SAXO4: variants seen among roughly 807,000 people sequenced by gnomAD.
SAXO4 encodes the protein stabilizer of axonemal microtubules 4.
At chr11:61,486,351 T>G in the SAXO4 span, 5 of 1,613,846 alleles carry the variant, frequency 3.1e-6, no homozygotes, top group Non-Finnish European at 4.2e-6. Flanking sequence ...CAGGCCCTCC[T>G]CCCAGGCCAG....
At chr11:61,486,473 G>A in the SAXO4 span, 1 of 1,613,016 alleles carries the variant, frequency 6.2e-7, no homozygotes, top group Non-Finnish European at 8.5e-7. Context: ...CTGGAAGGTG[G>A]TGGGGGAGGC....
chr11:61,481,781 G>C, the SAXO4 span: 4 of 1,352,762 alleles, frequency 3.0e-6, no homozygotes, highest in Non-Finnish European at 4.0e-6. Flanking sequence ...TTCCTTTCTA[G>C]GCCCCCTGGG....
the SAXO4 span, chr11:61,484,822 T>C: frequency 6.4e-7 from 1 of 1,573,618 alleles, no homozygotes; most frequent in South Asian, 1.2e-5. Context: ...GACATGTGAG[T>C]GGCAGCCCAG....
At chr11:61,486,760 C>T in the SAXO4 span, 1 of 893,062 alleles carries the variant, frequency 1.1e-6, no homozygotes, top group Non-Finnish European at 1.8e-6. Context: ...TGAAGAGAGC[C>T]TGGGCCTTCC....
At chr11:61,486,747 G>T in the SAXO4 span, 1 of 949,066 alleles carries the variant, frequency 1.1e-6, no homozygotes, top group East Asian at 2.5e-5. Flanking sequence ...CTCAGGTGGA[G>T]GGTGAAGAGA....
At chr11:61,489,521 G>A in the SAXO4 span, 2 of 581,932 alleles carry the variant, frequency 3.4e-6, no homozygotes, top group African/African-American at 1.9e-5. Context: ...CCACCCCAAG[G>A]TACTGGCAGG....
the SAXO4 span, chr11:61,485,684 C>T: frequency 2.5e-6 from 2 of 797,798 alleles, no homozygotes; most frequent in South Asian, 3.3e-5. Context: ...CCTCATGGCG[C>T]AGGTCTCCAG....
the SAXO4 span, chr11:61,482,208 CT>C: frequency 1.9e-6 from 2 of 1,037,412 alleles, no homozygotes; most frequent in African/African-American, 1.6e-5. Flanking sequence ...GAGCCCTCCC[CT>C]GTCACTGTGA....
the SAXO4 span, chr11:61,481,289 G>C: frequency 6.5e-6 from 1 of 153,008 alleles, no homozygotes; most frequent in South Asian, 2.1e-4. Flanking sequence ...GGCAAGGCCA[G>C]AGGCGGGCAA....
At chr11:61,487,017 C>T in the SAXO4 span, 1 of 1,614,128 alleles carries the variant, frequency 6.2e-7, no homozygotes, top group Admixed American at 1.7e-5. Context: ...TCGGATGCAA[C>T]AGACAAACGT....
chr11:61,489,428 G>C, the SAXO4 span: 1 of 547,016 alleles, frequency 1.8e-6, no homozygotes, highest in Non-Finnish European at 3.2e-6. Flanking sequence ...CTCTGGACCT[G>C]GCTGTGCTCA....
chr11:61,484,631 C>G, the SAXO4 span: 1 of 1,598,040 alleles, frequency 6.3e-7, no homozygotes, highest in South Asian at 1.1e-5. Context: ...AGGGCAGAAG[C>G]AGAGTCAGGG....
chr11:61,487,039 G>GC, the SAXO4 span: 9 of 1,614,082 alleles, frequency 5.6e-6, no homozygotes, highest in Non-Finnish European at 7.6e-6. Context: ...GCCCTGCTTG[G>GC]CCGGGAGACT....
the SAXO4 span, chr11:61,489,567 C>T: frequency 1.7e-6 from 1 of 605,184 alleles, no homozygotes; most frequent in Admixed American, 2.9e-5. Flanking sequence ...TGTCCTTTAA[C>T]ACTCCAAAGA....
At chr11:61,481,896 C>T in the SAXO4 span, 1 of 1,579,310 alleles carries the variant, frequency 6.3e-7, no homozygotes, top group East Asian at 2.3e-5. Context: ...AATTCTACGC[C>T]ACCAGCTACT....
the SAXO4 span, chr11:61,482,468 C>A: frequency 6.3e-7 from 1 of 1,587,580 alleles, no homozygotes; most frequent in South Asian, 1.1e-5. Flanking sequence ...CTGCCCTGCT[C>A]ATCAGACCAA....
chr11:61,482,596 G>A, the SAXO4 span: 8 of 1,611,226 alleles, frequency 5.0e-6, no homozygotes, highest in Non-Finnish European at 8.5e-7. Flanking sequence ...GAGGAGGGAA[G>A]CTCCTTAGCA....
At chr11:61,486,260 T>A in the SAXO4 span, 6 of 1,424,198 alleles carry the variant, frequency 4.2e-6, no homozygotes, top group Non-Finnish European at 5.9e-6. Flanking sequence ...AGCACAGCAG[T>A]GGCCTGGAGG....
At chr11:61,485,908 C>A in the SAXO4 span, 1 of 1,611,094 alleles carries the variant, frequency 6.2e-7, no homozygotes, top group Non-Finnish European at 8.5e-7. Flanking sequence ...TCCCTGGGGA[C>A]CCTGTAAGTC....
Sources: allele counts gnomAD v4.1 joint callset, GRCh38; gene constraint gnomAD v4.1.1; transcripts MANE v1.5; gene names NCBI Gene and HGNC (gene_info 2026-07-23, HGNC 2026-07-21).